The following KLHL3 variants were observed in gnomAD, a reference collection of about 807,000 sequenced individuals.
KLHL3 encodes the protein kelch-like protein 3.
A neutral mutation model predicts 70.5 loss-of-function variants in KLHL3; 19 were observed. The ratio of observed to expected loss-of-function variants is 0.27; its 90% CI spans 0.19 to 0.40. The LOEUF is 0.40. KLHL3 is among the 10% of genes least tolerant of loss of function. KLHL3 has a pLI of 1.00. For missense variants in KLHL3, 512 were observed against 771.1 expected (o/e 0.66, Z 3.98); for synonymous variants, 258 against 290.3 (o/e 0.89, Z 1.13).
At chr5:137,628,082 C>CCTCTGCAT in intron 13 of KLHL3, 1 of 575,458 alleles carries the variant, frequency 1.7e-6, no homozygotes, top group Non-Finnish European at 3.1e-6. Flanking sequence ...GAAAGGGGAT[C>CCTCTGCAT]CTCTGCATCT....
intron 6 of KLHL3, among the ~76,000 whole-genome samples, chr5:137,663,475 A>G (rs1024754798): frequency 3.3e-5 from 5 of 151,580 alleles, no homozygotes; most frequent in Non-Finnish European, 4.4e-5. Context: ...TATACTTTAA[A>G]TCATCCTCCC....
intron 3 of KLHL3, among the ~76,000 whole-genome samples, chr5:137,704,662 C>T (rs1248997890): frequency 1.3e-5 from 2 of 152,214 alleles, no homozygotes; most frequent in Non-Finnish European, 2.9e-5. Context: ...AAACCAGTTG[C>T]ACCTTAATGG....
At chr5:137,677,037 A>G (rs1194519366) in intron 6 of KLHL3, among the ~76,000 whole-genome samples, 2 of 152,086 alleles carry the variant, frequency 1.3e-5, no homozygotes, top group African/African-American at 4.8e-5. Context: ...CATGATCATC[A>G]CTGTTATTTC....
intron 8 of KLHL3, among the ~76,000 whole-genome samples, chr5:137,645,636 A>G (rs189078638): frequency 2.0e-4 from 30 of 152,300 alleles, no homozygotes; most frequent in African/African-American, 6.0e-4. Context: ...ACTATAAAAC[A>G]TTGACGAAAG....
chr5:137,724,360 A>C (rs1753052593), intron 1 of KLHL3, among the ~76,000 whole-genome samples: 1 of 152,220 alleles, frequency 6.6e-6, no homozygotes, highest in South Asian at 2.1e-4. Context: ...GCACTGACAC[A>C]ATCTCCAGTG....
chr5:137,676,222 C>G (rs1414371444), intron 6 of KLHL3, among the ~76,000 whole-genome samples: 1 of 152,202 alleles, frequency 6.6e-6, no homozygotes, highest in African/African-American at 2.4e-5. Flanking sequence ...TCTTCTTGAT[C>G]AAACTTTTCC....
chr5:137,638,533 A>G (rs568196345), intron 10 of KLHL3, among the ~76,000 whole-genome samples: 2 of 152,314 alleles, frequency 1.3e-5, no homozygotes, highest in Admixed American at 6.5e-5. Flanking sequence ...AGAAAGGGCA[A>G]CAGAAAAAAT....
At chr5:137,727,805 C>G (rs1477218433) in intron 1 of KLHL3, among the ~76,000 whole-genome samples, 1 of 152,100 alleles carries the variant, frequency 6.6e-6, no homozygotes, top group Non-Finnish European at 1.5e-5. Context: ...TTCTAATTAC[C>G]TCTTACTTAT....
rs116307136 is a variant in KLHL3, at chr5:137,695,591, C to T, written c.363+2696G>A. Among the ~76,000 whole-genome samples, 1,154 of 152,280 alleles carry T rather than the reference C, an allele frequency of 7.6e-3. 11 individuals are homozygous for T. The highest frequency in any genetic ancestry group is 0.012 in the Non-Finnish European group (822 of 68,028). On this transcript the variant is annotated intron_variant, in intron 4 of 14. Coordinates refer to ENST00000309755, the MANE Select transcript of KLHL3 (RefSeq NM_017415.3). ...AATTAGGGCCCCATCCAATGGGGTT[C>T]TGGGATCTAGACACAAGTACAAAAT...
Position 137,637,274 on chromosome 5 carries a change from G to A in KLHL3, c.1321+20C>T, listed in dbSNP as rs201324312. On this transcript the variant is annotated intron_variant, in intron 11 of 14. Transcript: ENST00000309755. ...CGTGGGCCAGGTAGGCCTGGCCACT[G>A]GCCACTGCCGCCTCCTTACCCTCCA... The A allele has an allele frequency of 1.9e-3, 2,997 of 1,607,906 alleles. 6 individuals carry two copies. Among genetic ancestry groups the A allele is most frequent in the Non-Finnish European group, 2.2e-3 (2,548 of 1,174,472 alleles).
chr5:137,639,725 A>AAC lies in KLHL3; in HGVS notation c.1021+134_1021+135insGT. On this transcript the variant is annotated intron_variant, in intron 9 of 14. Transcript: ENST00000309755. The surrounding 1 kb of genome is among the most constrained non-coding windows in gnomAD (Gnocchi z 5.0). ...ACGACAACAACCAAAAAAAAAAAAA[A>AAC]AGTGTGCAGGAGGGAAACGAATGGG... 1.6e-6 allele frequency: 1 copy of AAC among 630,942 alleles called. No homozygotes were observed. The highest frequency in any genetic ancestry group is 3.0e-5 in the Admixed American group (1 of 33,778). 39.1% of individuals were successfully genotyped at this position (630,942 alleles called of 1,614,324 possible).
chr5:137,621,930 G>A lies in KLHL3; in HGVS notation c.*168C>T, dbSNP rs1580710497. ...CTCAGGGGAACGGGGGTGGGTAATG[G>A]TGTCCACACTGCGATGAACAACACC... On this transcript the variant is annotated 3_prime_UTR_variant, in exon 15 of 15. Transcript: ENST00000309755. 6 of 726,502 alleles carry A rather than the reference G, an allele frequency of 8.3e-6. No individual in the cohort carries two copies. The African/African-American group carries it at 8.7e-5, about 10-fold the overall frequency. 45.0% of individuals were successfully genotyped at this position (726,502 alleles called of 1,614,324 possible).
chr5:137,710,924 T>A (rs1752780496), intron 2 of KLHL3, among the ~76,000 whole-genome samples: 1 of 152,182 alleles, frequency 6.6e-6, no homozygotes, highest in Non-Finnish European at 1.5e-5. Flanking sequence ...AAACAGGATT[T>A]AAATGAAGGC....
chr5:137,717,111 C>T (rs1752908737), intron 2 of KLHL3, among the ~76,000 whole-genome samples: 1 of 152,206 alleles, frequency 6.6e-6, no homozygotes, highest in Non-Finnish European at 1.5e-5. Flanking sequence ...AGTGTGCCTG[C>T]CTGCCCCAGG....
chr5:137,681,061 G>A (rs538456834), intron 5 of KLHL3, among the ~76,000 whole-genome samples: 1 of 152,234 alleles, frequency 6.6e-6, no homozygotes, highest in South Asian at 2.1e-4. Context: ...CTATGGGCAA[G>A]GCTGTGGACC....
At chr5:137,640,431 G>A (rs1338185426) in intron 8 of KLHL3, among the ~76,000 whole-genome samples, 1 of 152,160 alleles carries the variant, frequency 6.6e-6, no homozygotes, top group Non-Finnish European at 1.5e-5. Context: ...CTGCAGTATA[G>A]AAAAAAATTG....
chr5:137,636,498 C>T (rs17459939), intron 11 of KLHL3, among the ~76,000 whole-genome samples: 27,972 of 152,164 alleles, frequency 0.18, 2,760 homozygotes, highest in Non-Finnish European at 0.22. Context: ...CACATATTTA[C>T]AGAACTCCTA....
At chr5:137,722,166 G>A (rs1261906167) in intron 1 of KLHL3, among the ~76,000 whole-genome samples, 2 of 152,178 alleles carry the variant, frequency 1.3e-5, no homozygotes, top group East Asian at 3.8e-4. Flanking sequence ...AGAGAAAGAG[G>A]CTTCTATGCT....
At chr5:137,631,886 G>A (rs947949638) in intron 12 of KLHL3, among the ~76,000 whole-genome samples, 4 of 152,108 alleles carry the variant, frequency 2.6e-5, no homozygotes, top group African/African-American at 7.2e-5. Context: ...ATAAAGTACT[G>A]TGTCTAGCTG....
Sources: gnomAD v4.1 joint callset for allele counts (sites outside exome capture counted in the v4.1 genomes callset) on GRCh38, gnomAD v4.1.1 for gene constraint, Gnocchi (gnomAD v3.1) non-coding constraint, MANE v1.5 for transcripts, NCBI Gene and HGNC (gene_info 2026-07-23, HGNC 2026-07-21) for gene names.